Variants in PTPRZ1 observed in about 807,000 individuals in gnomAD.
The protein encoded by PTPRZ1 is protein tyrosine phosphatase receptor type Z1, also known as receptor-type tyrosine-protein phosphatase zeta.
A neutral mutation model predicts 214.1 loss-of-function variants in PTPRZ1; 82 were observed. The observed-to-expected ratio is 0.38, with a 90% CI of 0.32 to 0.46. The LOEUF (loss-of-function observed/expected upper bound fraction) is 0.46, where lower values mean the gene tolerates loss of function less well. Among genes scored for constraint, PTPRZ1 ranks in the 20% least tolerant of loss-of-function variants. The probability of loss-of-function intolerance (pLI) is 1.00; values close to 1 mark genes in which losing one functional copy is unlikely to be tolerated. For synonymous variants in PTPRZ1, 945 were observed against 987.9 expected (o/e 0.96, Z 0.81); for missense variants, 2,603 against 2,748.7 (o/e 0.95, Z 1.19).
At chr7:121,981,071 G>T (rs911050946) in intron 6 of PTPRZ1, among the ~76,000 whole-genome samples, 3 of 151,972 alleles carry the variant, frequency 2.0e-5, no homozygotes, top group African/African-American at 7.2e-5. Flanking sequence ...GAACCCTGGG[G>T]GGCGGAGCCT....
intron 5 of PTPRZ1, among the ~76,000 whole-genome samples, chr7:121,976,498 A>G (rs1444676185): frequency 2.6e-5 from 4 of 152,174 alleles, no homozygotes; most frequent in Non-Finnish European, 5.9e-5. Flanking sequence ...TCTATTAAGT[A>G]CACAGATTTG....
chr7:121,985,896 T>C (rs543253957), intron 8 of PTPRZ1, among the ~76,000 whole-genome samples: 3 of 152,222 alleles, frequency 2.0e-5, no homozygotes, highest in Non-Finnish European at 2.9e-5. Context: ...ATAATGGAAG[T>C]AAATAAGTCT....
At chr7:121,978,970 C>A (rs1022580153) in intron 6 of PTPRZ1, among the ~76,000 whole-genome samples, 1 of 152,064 alleles carries the variant, frequency 6.6e-6, no homozygotes, top group Non-Finnish European at 1.5e-5. Flanking sequence ...CTGCTGGCAA[C>A]CTTGAGGATC....
At chr7:121,985,498 A>G (rs1797740203) in intron 8 of PTPRZ1, among the ~76,000 whole-genome samples, 1 of 152,170 alleles carries the variant, frequency 6.6e-6, no homozygotes, top group South Asian at 2.1e-4. Flanking sequence ...CTCCCCAACT[A>G]GCATCCTTCC....
In PTPRZ1 at chr7:122,031,521, G is replaced by A; in HGVS notation, c.5128G>A (p.Asp1710Asn). 6.2e-7 allele frequency: 1 copy of A among 1,610,884 alleles called. No individual in the cohort carries two copies. The highest frequency in any genetic ancestry group is 8.5e-7 in the Non-Finnish European group (1 of 1,178,150). Reference sequence around the variant, plus strand: ...AAAGCACTTTCCAAAGCATGTTGCAGATTTACATGCAAGTAGTGGGTTTAC... The same window carrying A: ...AAAGCACTTTCCAAAGCATGTTGCAAATTTACATGCAAGTAGTGGGTTTAC... ...PIKHFPKHVA[D>N]LHASSGFTEE... is the part of the protein sequence containing the mutation. Residue 1710 changes from aspartate to asparagine, a missense_variant, in exon 15 of 30, where the codon GAT (aspartate) becomes AAT (asparagine). Physicochemically the swap from Asp to Asn is conservative, Grantham distance 23 (BLOSUM62 1). This residue lies in a region of PTPRZ1 where 1,913 missense variants were observed against 1,914.3 expected (regional missense o/e 1.00). Coordinates refer to ENST00000393386, the MANE Select transcript of PTPRZ1 (RefSeq NM_002851.3).
intron 1 of PTPRZ1, among the ~76,000 whole-genome samples, chr7:121,881,009 T>C (rs1034143221): frequency 1.3e-5 from 2 of 152,214 alleles, no homozygotes; most frequent in Admixed American, 6.5e-5. Context: ...CTTGGTGTTA[T>C]GGACTGAATG....
intron 8 of PTPRZ1, among the ~76,000 whole-genome samples, chr7:121,985,442 T>C (rs1563051037): frequency 6.6e-6 from 1 of 152,222 alleles, no homozygotes; most frequent in Admixed American, 6.5e-5. Context: ...CTGCTTGTTA[T>C]TGCATGGCAG....
chr7:121,873,408 AC>A lies in PTPRZ1; in HGVS notation c.-91del. On this transcript the variant is annotated 5_prime_UTR_variant, in exon 1 of 30. Coordinates refer to ENST00000393386, the MANE Select transcript of PTPRZ1 (RefSeq NM_002851.3). The stretch of plus-strand genomic sequence containing the variant: ...TCTATACACTGGAGGATTAAAACAA[AC>A]AAACAAAAAAAACATTTCCTTCGCT... 7.4e-7 allele frequency: 1 copy of A among 1,343,448 alleles called. No individual in the cohort carries two copies. The highest frequency in any genetic ancestry group is 1.0e-6 in the Non-Finnish European group (1 of 966,150). 83.2% of individuals were successfully genotyped at this position (1,343,448 alleles called of 1,614,324 possible). A position where few individuals can be genotyped will look rare whatever the true frequency, so the allele number is the denominator to read the frequency against.
chr7:121,883,904 G>A (rs1022799008), intron 1 of PTPRZ1, among the ~76,000 whole-genome samples: 1 of 152,170 alleles, frequency 6.6e-6, no homozygotes, highest in Admixed American at 6.5e-5. Context: ...GGGATTACAG[G>A]TGTGAGCCAC....
chr7:122,012,678 C>A lies in PTPRZ1; in HGVS notation c.3632C>A (p.Thr1211Asn), dbSNP rs763005404. 1.2e-6 allele frequency: 2 copies of A among 1,612,078 alleles called. No individual in the cohort carries two copies. The highest frequency in any genetic ancestry group is 3.3e-4 in the Middle Eastern group (2 of 6,060). The change falls in exon 12 of 30, where the codon ACC (threonine) becomes AAC (asparagine). Residue 1211 changes from threonine (T) to asparagine (N), a missense_variant. Around this residue, in one of 6 missense-constraint regions of PTPRZ1, gnomAD observed 1,913 missense variants for 1,914.3 expected, o/e 1.00. Coordinates refer to ENST00000393386, the MANE Select transcript of PTPRZ1 (RefSeq NM_002851.3). Reference sequence around the variant, plus strand: ...CCCAGTGATCCAATATTGGTTGAAACCCCCAAAGTTGATAAAATTAGTTCT... The same window carrying A: ...CCCAGTGATCCAATATTGGTTGAAAACCCCAAAGTTGATAAAATTAGTTCT... ...AVPSDPILVE[T>N]PKVDKISSTM...
intron 1 of PTPRZ1, among the ~76,000 whole-genome samples, chr7:121,906,281 T>A (rs1391679939): frequency 6.6e-6 from 1 of 152,314 alleles, no homozygotes; most frequent in East Asian, 1.9e-4. Context: ...CCTTATGAAC[T>A]TTTGTGTTCA....
chr7:122,011,315 A>T lies in PTPRZ1; in HGVS notation c.2269A>T (p.Thr757Ser), dbSNP rs754699723. ...AACCCAACCGGTATACAATGGTGAG[A>T]CACCTCTTCAACCTTCCTACAGTAG... ...QTTQPVYNGE[T>S]PLQPSYSSEV... Residue 757 changes from threonine (T) to serine (S), a missense_variant, in exon 12 of 30, where the codon ACA (threonine) becomes TCA (serine). Thr to Ser is a moderately conservative substitution (Grantham distance 58). Coordinates refer to ENST00000393386, the MANE Select transcript of PTPRZ1 (RefSeq NM_002851.3). 6.2e-7 allele frequency: 1 copy of T among 1,614,106 alleles called. No homozygotes were observed. Among genetic ancestry groups the T allele is most frequent in the Non-Finnish European group, 8.5e-7 (1 of 1,180,012 alleles).
intron 2 of PTPRZ1, among the ~76,000 whole-genome samples, chr7:121,941,298 G>T (rs1024925379): frequency 6.6e-6 from 1 of 152,182 alleles, no homozygotes; most frequent in Non-Finnish European, 1.5e-5. Flanking sequence ...GACTCCTAGG[G>T]CCCTGGCCAG....
chr7:122,061,710 A>G lies in PTPRZ1; in HGVS notation c.*490A>G, dbSNP rs1792582869. 1 of 152,632 alleles carries G rather than the reference A, an allele frequency of 6.6e-6. No homozygotes were observed. The highest frequency in any genetic ancestry group is 1.5e-5 in the Non-Finnish European group (1 of 68,056). 9.5% of individuals were successfully genotyped at this position (152,632 alleles called of 1,614,324 possible). Reference sequence around the variant, plus strand: ...TAGAAATAATCTGTTACTTATTGTAAATACTGCCCTAGTGTCTCCATGGAC... The same window carrying G: ...TAGAAATAATCTGTTACTTATTGTAGATACTGCCCTAGTGTCTCCATGGAC... On this transcript the variant is annotated 3_prime_UTR_variant, in exon 30 of 30. Coordinates refer to ENST00000393386, the MANE Select transcript of PTPRZ1 (RefSeq NM_002851.3).
chr7:122,053,838 A>C (rs1056767678), intron 25 of PTPRZ1, 72 bp from the exon 26 acceptor site: 2 of 1,547,316 alleles, frequency 1.3e-6, no homozygotes, highest in Non-Finnish European at 1.8e-6. Context: ...AGGTCCATTG[A>C]TGTATAAATG....
At chr7:122,000,017 G>A (rs1347582672) in intron 10 of PTPRZ1, among the ~76,000 whole-genome samples, 1 of 152,102 alleles carries the variant, frequency 6.6e-6, no homozygotes, top group Admixed American at 6.6e-5. Flanking sequence ...AAGGCATTTT[G>A]TATAGTAATG....
intron 1 of PTPRZ1, among the ~76,000 whole-genome samples, chr7:121,926,742 C>T (rs953872654): frequency 7.2e-5 from 11 of 152,030 alleles, no homozygotes; most frequent in East Asian, 1.9e-4. Flanking sequence ...TACAAAACTT[C>T]GTAAATATTC....
At chr7:121,914,160 T>C (rs1219906686) in intron 1 of PTPRZ1, among the ~76,000 whole-genome samples, 1 of 152,090 alleles carries the variant, frequency 6.6e-6, no homozygotes, top group East Asian at 1.9e-4. Context: ...AATAAATATG[T>C]AAAAGAAAGA....
Position 121,996,365 on chromosome 7 carries a change from C to CT in PTPRZ1, c.929-11dup. ...AGGCTAAGTTCTATCAACAACTGTACTTTTTTCTCTCTGAAGTTTGTAGTT... is the reference window on the plus strand; with the variant it reads ...AGGCTAAGTTCTATCAACAACTGTACTTTTTTTCTCTCTGAAGTTTGTAGTT... On this transcript the variant is annotated splice_polypyrimidine_tract_variant and intron_variant, in intron 8 of 29. Transcript: ENST00000393386. 1 of 1,566,670 alleles carries CT rather than the reference C, an allele frequency of 6.4e-7. No individual in the cohort carries two copies. Among genetic ancestry groups the CT allele is most frequent in the Non-Finnish European group, 8.7e-7 (1 of 1,154,844 alleles).
Sources: gnomAD v4.1 joint callset for allele counts (sites outside exome capture counted in the v4.1 genomes callset) on GRCh38, gnomAD v4.1.1 for gene constraint, gnomAD v4.1.1 regional missense constraint, MANE v1.5 for transcripts, NCBI Gene and HGNC (gene_info 2026-07-23, HGNC 2026-07-21) for gene names.